The following ADAM28 variants were observed in gnomAD, a reference collection of about 807,000 sequenced individuals.
ADAM28 encodes the protein ADAM metallopeptidase domain 28.
A neutral mutation model predicts 101.2 loss-of-function variants in ADAM28; 105 were observed. The ratio of observed to expected loss-of-function variants is 1.04; its 90% CI spans 0.89 to 1.22. The LOEUF (loss-of-function observed/expected upper bound fraction) is 1.22. Among genes scored for constraint, ADAM28 ranks in the 50% most tolerant of loss-of-function variants. ADAM28 has a pLI of 0.00. For missense variants in ADAM28, 1,028 were observed against 945.4 expected, an observed-to-expected ratio of 1.09 and a Z score of -1.15; for synonymous variants, 322 against 310.6, an observed-to-expected ratio of 1.04 and a Z score of -0.39.
intron 2 of ADAM28, among the ~76,000 whole-genome samples, chr8:24,302,132 T>A (rs2129239707): frequency 6.6e-6 from 1 of 152,298 alleles, no homozygotes; most frequent in East Asian, 1.9e-4. Flanking sequence ...GTTGTTCCCC[T>A]GCCTGTGTCC....
chr8:24,344,866 C>T (rs930475469), intron 18 of ADAM28, among the ~76,000 whole-genome samples: 20 of 151,984 alleles, frequency 1.3e-4, no homozygotes, highest in African/African-American at 4.8e-4. Flanking sequence ...ATAAAACTTT[C>T]TAAGTTGTAC....
chr8:24,357,967 T>A lies in ADAM28; in HGVS notation c.*3563T>A, dbSNP rs1004019511. 6.6e-6 allele frequency: 1 copy of A among 152,122 alleles called. No individual in the cohort carries two copies. Among genetic ancestry groups the A allele is most frequent in the Non-Finnish European group, 1.5e-5 (1 of 68,010 alleles). 9.4% of individuals were successfully genotyped at this position (152,122 alleles called of 1,614,324 possible). ...ATATTCTGTACTGTCAGTCCTCCTG[T>A]TCACTAATTTCAAAATTTATAGTTG... On this transcript the variant is annotated 3_prime_UTR_variant, in exon 23 of 23. Transcript: ENST00000265769.
chr8:24,305,870 A>G (rs930359517), intron 2 of ADAM28, among the ~76,000 whole-genome samples: 8 of 152,116 alleles, frequency 5.3e-5, no homozygotes, highest in African/African-American at 1.9e-4. Flanking sequence ...TCCCATGTTT[A>G]CTTTTTAATA....
chr8:24,339,532 G>A lies in ADAM28; in HGVS notation c.1634G>A (p.Arg545His), dbSNP rs1252057527. 22 of 1,612,700 alleles carry A rather than the reference G, an allele frequency of 1.4e-5. No homozygotes were observed. Among genetic ancestry groups the A allele is most frequent in the Middle Eastern group, 1.6e-4 (1 of 6,084 alleles). Residue 545 changes from arginine to histidine, a missense_variant, in exon 15 of 23, where the codon CGC becomes CAC. Physicochemically the swap from Arg to His is conservative, Grantham distance 29. Transcript: ENST00000265769. The part of the protein sequence containing the change: ...NEGGSKYGYC[R>H]RVDDTLIPCK... ...GGTGGGTCAAAGTACGGGTACTGTCGCAGAGTGGATGACACACTCATTCCC... is the reference window on the plus strand; with the variant it reads ...GGTGGGTCAAAGTACGGGTACTGTCACAGAGTGGATGACACACTCATTCCC...
chr8:24,297,042 T>C (rs1217166306), intron 1 of ADAM28, among the ~76,000 whole-genome samples: 22 of 152,202 alleles, frequency 1.4e-4, no homozygotes, highest in Admixed American at 1.4e-3. Context: ...AGAAATTCCA[T>C]TTAGTTTCTT....
chr8:24,321,114 T>G lies in ADAM28; in HGVS notation c.649-104T>G, dbSNP rs977717114. On this transcript the variant is annotated intron_variant, in intron 7 of 22. Transcript: ENST00000265769. ...TTAATTAAATCTAATAACTAATCTT[T>G]AATTAAAATCAATAATAAGTAATAT... 4 of 654,910 alleles carry G rather than the reference T, an allele frequency of 6.1e-6. 1 individual carries two copies. Among genetic ancestry groups the G allele is most frequent in the Non-Finnish European group, 1.1e-5 (4 of 380,164 alleles). The allele number at this position is 654,910 out of a possible 1,614,324, so 40.6% of individuals were successfully genotyped here. A position where few individuals can be genotyped will look rare whatever the true frequency, so the allele number is the denominator to read the frequency against.
chr8:24,332,751 T>A lies in ADAM28; in HGVS notation c.1371+2T>A. 6 of 1,417,554 alleles carry A rather than the reference T, an allele frequency of 4.2e-6. No individual in the cohort carries two copies. Among genetic ancestry groups the A allele is most frequent in the Non-Finnish European group, 5.6e-6 (6 of 1,062,460 alleles). 87.8% of individuals were successfully genotyped at this position (1,417,554 alleles called of 1,614,324 possible). A position where few individuals can be genotyped will look rare whatever the true frequency, so the allele number is the denominator to read the frequency against. On this transcript the variant is annotated splice_donor_variant, in intron 13 of 22. Transcript: ENST00000265769. LOFTEE classifies it high-confidence loss of function. ...GGAGAATGTTGTGAAAAATGCCAAG[T>A]AAGATTATTTTATTCTATTTTAATA...
At chr8:24,315,453 G>A (rs1811039475) in intron 6 of ADAM28, among the ~76,000 whole-genome samples, 1 of 151,818 alleles carries the variant, frequency 6.6e-6, no homozygotes, top group South Asian at 2.1e-4. Flanking sequence ...AACCTATAAA[G>A]GTTGAATCAG....
intron 14 of ADAM28, among the ~76,000 whole-genome samples, chr8:24,338,764 C>A (rs1261345006): frequency 6.6e-6 from 1 of 152,008 alleles, no homozygotes; most frequent in Non-Finnish European, 1.5e-5. Context: ...GAGAGGGTAC[C>A]TCAGCACAGA....
At chr8:24,333,022 C>G (rs1472584206) in intron 13 of ADAM28, among the ~76,000 whole-genome samples, 1 of 152,092 alleles carries the variant, frequency 6.6e-6, no homozygotes, top group Non-Finnish European at 1.5e-5. Context: ...TTGCTACAGC[C>G]TGGATACACC....
At chr8:24,312,349 A>G (rs1490382110) in intron 5 of ADAM28, among the ~76,000 whole-genome samples, 1 of 152,082 alleles carries the variant, frequency 6.6e-6, no homozygotes, top group East Asian at 1.9e-4. Context: ...TGCCCAATTC[A>G]GAAACCTAAA....
intron 10 of ADAM28, among the ~76,000 whole-genome samples, chr8:24,327,893 T>G (rs1221901093): frequency 6.6e-6 from 1 of 152,126 alleles, no homozygotes; most frequent in South Asian, 2.1e-4. Flanking sequence ...ATCATATGTT[T>G]AACTTTATAT....
At chr8:24,340,066 A>G (rs545102440) in intron 15 of ADAM28, among the ~76,000 whole-genome samples, 1 of 152,310 alleles carries the variant, frequency 6.6e-6, no homozygotes, top group African/African-American at 2.4e-5. Context: ...AATTCATCTG[A>G]AGAGTTTGTT....
chr8:24,324,404 T>G (rs990025811), intron 9 of ADAM28, among the ~76,000 whole-genome samples: 1 of 151,992 alleles, frequency 6.6e-6, no homozygotes, highest in Non-Finnish European at 1.5e-5. Context: ...TGAAATGACC[T>G]GTTAAGAACA....
At chr8:24,315,567 A>G (rs1042999214) in intron 6 of ADAM28, among the ~76,000 whole-genome samples, 8 of 151,954 alleles carry the variant, frequency 5.3e-5, no homozygotes, top group Non-Finnish European at 8.8e-5. Flanking sequence ...TAGAGCTGAA[A>G]AGTATCAAAC....
At chr8:24,331,565 A>G (rs1467008243) in intron 12 of ADAM28, among the ~76,000 whole-genome samples, 2 of 151,860 alleles carry the variant, frequency 1.3e-5, no homozygotes, top group African/African-American at 4.8e-5. Context: ...AGGACTATTT[A>G]CTAACTTGGG....
At position 24,348,560 on chromosome 8, in the gene ADAM28, T is replaced by G. The variant is rs138096099; in HGVS notation, c.1991-1304T>G. Among the ~76,000 whole-genome samples the G allele has an allele frequency of 7.5e-4, 114 of 152,280 alleles. 3 individuals carry two copies. The East Asian group carries it at 0.021, about 29-fold the overall frequency. On this transcript the variant is annotated intron_variant, in intron 18 of 22. Coordinates refer to ENST00000265769, the MANE Select transcript of ADAM28 (RefSeq NM_014265.6). ...CACTCACTAATCTCTACAAAGTAAT[T>G]TTATCTAACATTTAAGTACTTTTAT...
intron 16 of ADAM28, 147 bp downstream of exon 16, chr8:24,341,904 G>A: frequency 1.1e-6 from 1 of 930,380 alleles, no homozygotes; most frequent in East Asian, 2.7e-5. Flanking sequence ...GTTTGAATTT[G>A]GAACACAGAA....
In ADAM28 at chr8:24,311,402, TTC is replaced by T. The variant is rs763356744; in HGVS notation, c.350_351del (p.Ser117Ter). On this transcript the variant is annotated frameshift_variant, in exon 5 of 23. Transcript: ENST00000265769. LOFTEE classifies it high-confidence loss of function. ...YQGHILNEKV[S>X]DASISTCRGL... is the part of the protein sequence containing the mutation. ...AAGGACATATTCTTAATGAAAAGGTTTCTGACGCTAGCATCAGCACATGTAGG... is the reference window on the plus strand; with the variant it reads ...AAGGACATATTCTTAATGAAAAGGTTTGACGCTAGCATCAGCACATGTAGG... The T allele has an allele frequency of 6.2e-7, 1 of 1,613,240 alleles. No homozygotes were observed. Among genetic ancestry groups the T allele is most frequent in the Admixed American group, 1.7e-5 (1 of 59,916 alleles).
Sources: allele counts gnomAD v4.1 joint callset (sites outside exome capture counted in the v4.1 genomes callset), GRCh38; gene constraint gnomAD v4.1.1; transcripts MANE v1.5; gene names NCBI Gene and HGNC (gene_info 2026-07-23, HGNC 2026-07-21).